Variants in RNLS observed in about 807,000 individuals in gnomAD.
RNLS encodes renalase, FAD dependent amine oxidase.
A neutral mutation model predicts 39.8 loss-of-function variants in RNLS; 39 were observed. The observed-to-expected ratio is 0.98, with a 90% CI of 0.76 to 1.28. RNLS has a LOEUF of 1.28. Among genes scored for constraint, RNLS ranks in the 50% most tolerant of loss-of-function variants. The pLI is 0.00. For missense variants in RNLS, 410 were observed against 413.3 expected, an observed-to-expected ratio of 0.99 and a Z score of 0.07; for synonymous variants, 147 against 150.7, an observed-to-expected ratio of 0.98 and a Z score of 0.18.
At chr10:88,389,352 G>C (rs909910433) in intron 4 of RNLS, among the ~76,000 whole-genome samples, 1 of 151,970 alleles carries the variant, frequency 6.6e-6, no homozygotes, top group African/African-American at 2.4e-5. Context: ...TTTTTTGACA[G>C]TCTGTGGAGC....
intron 4 of RNLS, among the ~76,000 whole-genome samples, chr10:88,459,072 T>C (rs564622202): frequency 1.1e-3 from 171 of 151,036 alleles, no homozygotes; most frequent in African/African-American, 3.9e-3. Flanking sequence ...CAGAAACATA[T>C]GGTGTGGAGC....
At chr10:88,401,995 G>A (rs2133644650) in intron 4 of RNLS, among the ~76,000 whole-genome samples, 1 of 152,112 alleles carries the variant, frequency 6.6e-6, no homozygotes, top group Non-Finnish European at 1.5e-5. Flanking sequence ...AAACTCCTGG[G>A]AAGAGAATCC....
chr10:88,571,760 T>C (rs1477783142), intron 4 of RNLS, among the ~76,000 whole-genome samples: 2 of 152,208 alleles, frequency 1.3e-5, no homozygotes, highest in Non-Finnish European at 2.9e-5. Flanking sequence ...TCCTCACATG[T>C]GCCTTTTGCT....
intron 5 of RNLS, among the ~76,000 whole-genome samples, chr10:88,348,244 A>C (rs1341894479): frequency 6.6e-6 from 1 of 150,902 alleles, no homozygotes; most frequent in Non-Finnish European, 1.5e-5. Context: ...ATGACCTATA[A>C]ATTTCAGATC....
chr10:88,175,046 A>ATAGT, the RNLS span, among the ~76,000 whole-genome samples: 1 of 152,162 alleles, frequency 6.6e-6, no homozygotes, highest in Non-Finnish European at 1.5e-5. Context: ...TTGTTGGCAT[A>ATAGT]TAGTTATTCA....
chr10:88,368,487 AT>A (rs1850290902), intron 4 of RNLS, among the ~76,000 whole-genome samples: 1 of 152,100 alleles, frequency 6.6e-6, no homozygotes, highest in Admixed American at 6.6e-5. Context: ...AAATGTAAAA[AT>A]ATCACCATAT....
the RNLS span, among the ~76,000 whole-genome samples, chr10:88,237,230 C>CTCCCTCCCTCCCTCCCTTCCTTCCT: frequency 7.1e-6 from 1 of 141,826 alleles, no homozygotes; most frequent in Non-Finnish European, 1.5e-5. Flanking sequence ...CCCTCCCTCC[C>CTCCCTCCCTCCCTCCCTTCCTTCCT]TCCCTCCCTC....
At chr10:88,255,873 A>T in the RNLS span, among the ~76,000 whole-genome samples, 1 of 152,228 alleles carries the variant, frequency 6.6e-6, no homozygotes. Flanking sequence ...AGAAATGCCA[A>T]CCCAGTGGAG....
At chr10:88,456,541 T>C (rs1043635976) in intron 4 of RNLS, among the ~76,000 whole-genome samples, 3 of 152,092 alleles carry the variant, frequency 2.0e-5, no homozygotes, top group Non-Finnish European at 4.4e-5. Flanking sequence ...GAGCTGAGAA[T>C]AGAATTCAGG....
chr10:88,576,122 G>A (rs1850190724), intron 3 of RNLS, among the ~76,000 whole-genome samples: 1 of 152,030 alleles, frequency 6.6e-6, no homozygotes, highest in Non-Finnish European at 1.5e-5. Flanking sequence ...AAAACCTACT[G>A]GGCTAGGTCC....
At chr10:88,238,374 AAC>A in the RNLS span, among the ~76,000 whole-genome samples, 5 of 152,290 alleles carry the variant, frequency 3.3e-5, no homozygotes, top group East Asian at 7.7e-4. Context: ...AGATGAAACA[AAC>A]ACACCATTTG....
chr10:88,422,792 T>G (rs1286096136), intron 4 of RNLS, among the ~76,000 whole-genome samples: 1 of 152,098 alleles, frequency 6.6e-6, no homozygotes, highest in East Asian at 1.9e-4. Context: ...GGTCTCATTC[T>G]GTCATCCATG....
intron 5 of RNLS, among the ~76,000 whole-genome samples, chr10:88,332,368 G>A (rs755875497): frequency 2.0e-5 from 3 of 152,242 alleles, no homozygotes; most frequent in South Asian, 2.1e-4. Flanking sequence ...TGGGCCATGC[G>A]GAGAAAAGAT....
At chr10:88,543,324 A>G (rs771068498) in intron 4 of RNLS, among the ~76,000 whole-genome samples, 3 of 152,260 alleles carry the variant, frequency 2.0e-5, no homozygotes, top group South Asian at 4.2e-4. Flanking sequence ...GTGAAGGAGA[A>G]AGTTGAGGCA....
intron 5 of RNLS, among the ~76,000 whole-genome samples, chr10:88,361,046 A>T (rs2133361345): frequency 2.0e-5 from 3 of 152,282 alleles, no homozygotes; most frequent in Admixed American, 2.0e-4. Context: ...GTGCTGGTAG[A>T]TTTGGCTTAG....
chr10:88,177,080 C>T, the RNLS span, among the ~76,000 whole-genome samples: 1 of 152,072 alleles, frequency 6.6e-6, no homozygotes, highest in Non-Finnish European at 1.5e-5. Flanking sequence ...TGGGTTGAAC[C>T]TATTTGGGGA....
At chr10:88,396,438 C>G (rs753898865) in intron 4 of RNLS, among the ~76,000 whole-genome samples, 15 of 151,130 alleles carry the variant, frequency 9.9e-5, no homozygotes, top group Non-Finnish European at 1.8e-4. Context: ...TAACTGCAAG[C>G]CCCAGGTTGA....
chr10:88,511,009 C>G (rs1214652259), intron 4 of RNLS, among the ~76,000 whole-genome samples: 1 of 141,450 alleles, frequency 7.1e-6, no homozygotes, highest in East Asian at 2.1e-4. Context: ...TTATTATGCC[C>G]ATTTTACAAA....
the RNLS span, among the ~76,000 whole-genome samples, chr10:88,195,919 T>C: frequency 6.6e-6 from 1 of 152,202 alleles, no homozygotes; most frequent in East Asian, 1.9e-4. Flanking sequence ...TAATAAAATA[T>C]GACCTGAGTC....
Sources: allele counts gnomAD v4.1 joint callset (sites outside exome capture counted in the v4.1 genomes callset), GRCh38; gene constraint gnomAD v4.1.1; transcripts MANE v1.5; gene names NCBI Gene and HGNC (gene_info 2026-07-23, HGNC 2026-07-21).